Variants in NBPF8 observed in about 807,000 individuals in gnomAD.
NBPF8 encodes NBPF member 8, also known as NBPF family member NBPF8.
exon 25 of NBPF8, chr1:120,466,290 G>T: frequency 6.3e-7 from 1 of 1,585,036 alleles, no homozygotes; most frequent in Non-Finnish European, 8.6e-7. Context: ...AGATTTGAAT[G>T]AAACTATAGT....
At chr1:120,460,434 A>G (rs1661548112) in intron 17 of NBPF8, 139 bp from the exon 16 acceptor site, 1 of 762,630 alleles carries the variant, frequency 1.3e-6, no homozygotes, top group South Asian at 1.4e-5. Flanking sequence ...CCTCAGGCCT[A>G]CTGGAATATT....
upstream of NBPF8, among the ~76,000 whole-genome samples, chr1:120,417,866 G>A (rs1317042727): frequency 1.4e-5 from 2 of 141,722 alleles, no homozygotes; most frequent in African/African-American, 5.5e-5. Context: ...CTCCCAGAGT[G>A]TGGGGATTAC....
intron 15 of NBPF8, 98 bp downstream of exon 13, chr1:120,454,212 A>T: frequency 2.0e-6 from 3 of 1,496,782 alleles, no homozygotes; most frequent in Admixed American, 1.8e-5. Context: ...TTGAATAAAA[A>T]ACTGTGATGG....
intron 15 of NBPF8, among the ~76,000 whole-genome samples, chr1:120,454,471 G>A (rs1420096469): frequency 2.6e-5 from 4 of 152,078 alleles, no homozygotes; most frequent in African/African-American, 4.8e-5. Context: ...GTTTAAGGAA[G>A]CTGGCAGCCT....
rs1310634423 is a variant in NBPF8 at position 120,423,294 on chromosome 1, G to A, written n.270-2453G>A. Among the ~76,000 whole-genome samples the A allele has an allele frequency of 1.1e-3, 117 of 108,004 alleles. 4 individuals are homozygous for A. The highest frequency in any genetic ancestry group is 6.2e-3 in the South Asian group (25 of 4,010). The allele number at this position is 108,004 out of a possible 152,430, so 70.9% of individuals were successfully genotyped here. On this transcript the variant is annotated intron_variant and non_coding_transcript_variant, in intron 1 of 28. Transcript: ENST00000652355. Reference sequence around the variant, plus strand: ...ACGTGTAAGATTTATTTTATAAAGGGTATATAACATGCATACCTGGATTTA... The same window carrying A: ...ACGTGTAAGATTTATTTTATAAAGGATATATAACATGCATACCTGGATTTA...
chr1:120,434,340 A>ATG (rs1553247478), upstream of NBPF8, among the ~76,000 whole-genome samples: 5 of 146,904 alleles, frequency 3.4e-5, no homozygotes, highest in Non-Finnish European at 6.0e-5. Flanking sequence ...ATATATATTC[A>ATG]TGTGTGTGTA....
chr1:120,433,240 G>C (rs1367931071), upstream of NBPF8: 2 of 151,974 alleles, frequency 1.3e-5, no homozygotes, highest in Non-Finnish European at 2.9e-5. Flanking sequence ...TAAGCAAGTC[G>C]GTATTGAAGA....
At chr1:120,422,132 G>A (rs1367901695) in intron 1 of NBPF8, among the ~76,000 whole-genome samples, 2 of 152,228 alleles carry the variant, frequency 1.3e-5, no homozygotes, top group Admixed American at 1.3e-4. Flanking sequence ...GGATAGTACA[G>A]AGAGTTCTCC....
At chr1:120,450,367 G>A (rs1220653776) in intron 11 of NBPF8, among the ~76,000 whole-genome samples, 1 of 151,938 alleles carries the variant, frequency 6.6e-6, no homozygotes, top group Non-Finnish European at 1.5e-5. Context: ...TGTGGAGATA[G>A]CAGTGCAGTG....
exon 25 of NBPF8, chr1:120,466,028 C>A: frequency 1.9e-6 from 3 of 1,611,984 alleles, no homozygotes; most frequent in Non-Finnish European, 2.5e-6. Context: ...TTACAGGACT[C>A]ACTGGATAGA....
At chr1:120,469,539 A>C (rs1170137371), downstream of NBPF8, among the ~76,000 whole-genome samples, 1 of 151,396 alleles carries the variant, frequency 6.6e-6, no homozygotes, top group Admixed American at 6.6e-5. Flanking sequence ...GGTGATTTCC[A>C]CTGTTTTTCT....
chr1:120,420,300 C>T (rs1448389907), intron 1 of NBPF8, among the ~76,000 whole-genome samples, 182 bp downstream of exon 2: 22 of 151,426 alleles, frequency 1.5e-4, no homozygotes, highest in Admixed American at 5.3e-4. Context: ...GTGCCACCCT[C>T]GACCTGCAGT....
upstream of NBPF8, among the ~76,000 whole-genome samples, chr1:120,434,276 G>A (rs1418654965): frequency 9.9e-5 from 6 of 60,730 alleles, no homozygotes; most frequent in African/African-American, 2.3e-4. Flanking sequence ...TGTATATTAT[G>A]TATATACACG....
chr1:120,461,057 TG>T (rs1661574849), intron 18 of NBPF8, among the ~76,000 whole-genome samples, 196 bp from the exon 17 acceptor site: 1 of 150,142 alleles, frequency 6.7e-6, no homozygotes, highest in Non-Finnish European at 1.5e-5. Context: ...TGTGTGTGTG[TG>T]TGTGTGTCTT....
At chr1:120,466,151 A>G (rs1335659269) in exon 25 of NBPF8, 7 of 1,610,182 alleles carry the variant, frequency 4.3e-6, no homozygotes, top group African/African-American at 2.7e-5. Flanking sequence ...GACATGGACA[A>G]TAGGTTCTTT....
At chr1:120,433,380 T>C (rs1331541871), upstream of NBPF8, 1 of 152,640 alleles carries the variant, frequency 6.6e-6, no homozygotes, top group African/African-American at 2.4e-5. Flanking sequence ...ACTCAAACAA[T>C]ATGCCCACAT....
At chr1:120,468,990 C>T (rs1286759315), downstream of NBPF8, among the ~76,000 whole-genome samples, 12 of 152,210 alleles carry the variant, frequency 7.9e-5, no homozygotes, top group South Asian at 2.1e-4. Context: ...TTGACCCCTA[C>T]GGCTCTGAAG....
intron 17 of NBPF8, among the ~76,000 whole-genome samples, 174 bp downstream of exon 15, chr1:120,459,704 G>T (rs1178797518): frequency 1.3e-5 from 2 of 151,922 alleles, no homozygotes; most frequent in Admixed American, 6.6e-5. Context: ...ACAGGCATGG[G>T]GTGGGTCAGT....
downstream of NBPF8, among the ~76,000 whole-genome samples, chr1:120,468,627 G>C (rs1661816233): frequency 6.7e-6 from 1 of 148,648 alleles, no homozygotes; most frequent in African/African-American, 2.5e-5. Context: ...ATACTTCCAT[G>C]GTCCGTGCCT....
Sources: allele counts gnomAD v4.1 joint callset (sites outside exome capture counted in the v4.1 genomes callset), GRCh38; gene constraint gnomAD v4.1.1; transcripts MANE v1.5; gene names NCBI Gene and HGNC (gene_info 2026-07-23, HGNC 2026-07-21).